Variants in WDHD1 observed in about 807,000 individuals in gnomAD.
The protein encoded by WDHD1 is WD repeat and HMG-box DNA binding protein 1, also known as WD repeat and HMG-box DNA-binding protein 1.
In WDHD1, 111 loss-of-function variants were observed where a neutral mutation model predicts 135.4. The ratio of observed to expected loss-of-function variants is 0.82; its 90% confidence interval spans 0.70 to 0.96. The LOEUF (loss-of-function observed/expected upper bound fraction) is 0.96, where lower values mean the gene tolerates loss of function less well. Among genes scored for constraint, WDHD1 ranks in the 40% least tolerant of loss-of-function variants. WDHD1 has a pLI of 0.00. For synonymous variants in WDHD1, 434 were observed against 439.0 expected, an observed-to-expected ratio of 0.99 and a Z score of 0.14; for missense variants, 1,351 against 1,336.3, an observed-to-expected ratio of 1.01 and a Z score of -0.17.
chr14:54,959,791 C>A (rs947352636), intron 21 of WDHD1, among the ~76,000 whole-genome samples: 2 of 151,808 alleles, frequency 1.3e-5, no homozygotes, highest in Non-Finnish European at 2.9e-5. Flanking sequence ...CGCACCCCCC[C>A]CACCAAACAA....
chr14:54,996,742 A>C (rs1231915612), intron 10 of WDHD1, among the ~76,000 whole-genome samples: 1 of 152,156 alleles, frequency 6.6e-6, no homozygotes, highest in African/African-American at 2.4e-5. Context: ...AAGTCTAATG[A>C]GAACACCATT....
intron 24 of WDHD1, among the ~76,000 whole-genome samples, chr14:54,947,457 C>T (rs1280493438): frequency 1.3e-5 from 2 of 152,180 alleles, no homozygotes; most frequent in Admixed American, 6.5e-5. Flanking sequence ...GTGAAAACCA[C>T]AGCCACTCCC....
At chr14:55,018,334 A>C (rs1411273495) in intron 2 of WDHD1, among the ~76,000 whole-genome samples, 1 of 152,196 alleles carries the variant, frequency 6.6e-6, no homozygotes, top group Non-Finnish European at 1.5e-5. Flanking sequence ...ACAAAAGCAA[A>C]TAAGAATTGA....
At chr14:54,971,169 T>C (rs140638639) in intron 16 of WDHD1, among the ~76,000 whole-genome samples, 2 of 152,200 alleles carry the variant, frequency 1.3e-5, no homozygotes. Context: ...TTCAGGATAT[T>C]GGCCTTGGTA....
intron 16 of WDHD1, among the ~76,000 whole-genome samples, chr14:54,968,134 T>A (rs546972498): frequency 1.3e-5 from 2 of 152,066 alleles, no homozygotes; most frequent in Admixed American, 6.6e-5. Context: ...GTCTCAAAAA[T>A]TTTTTTTAAA....
At chr14:54,982,445 C>T (rs531992766) in intron 15 of WDHD1, among the ~76,000 whole-genome samples, 12 of 152,112 alleles carry the variant, frequency 7.9e-5, no homozygotes, top group African/African-American at 2.7e-4. Flanking sequence ...ACTCTTCTTC[C>T]TCTCTCTTCT....
chr14:54,964,648 A>T (rs921224586), intron 18 of WDHD1, among the ~76,000 whole-genome samples: 2 of 152,060 alleles, frequency 1.3e-5, no homozygotes, highest in African/African-American at 4.8e-5. Flanking sequence ...CAAAAAAAAA[A>T]AAAGAAATAA....
Position 54,953,264 on chromosome 14 carries a change from A to T in WDHD1, c.3050+2297T>A, listed in dbSNP as rs181415766. 3.7e-3 allele frequency among the ~76,000 whole-genome samples: 570 copies of T among 152,342 alleles called. 1 individual carries two copies. The highest frequency in any genetic ancestry group is 0.013 in the African/African-American group (531 of 41,572). ...AATATCCAGAATCTACAAAGAACTCAAACAAATTTACAAGAAAAAAACAAA... is the reference window on the plus strand; with the variant it reads ...AATATCCAGAATCTACAAAGAACTCTAACAAATTTACAAGAAAAAAACAAA... On this transcript the variant is annotated intron_variant, in intron 24 of 25. Coordinates refer to ENST00000360586, the MANE Select transcript of WDHD1 (RefSeq NM_007086.4).
intron 5 of WDHD1, 66 bp downstream of exon 5, chr14:55,008,538 AGAGT>A: frequency 6.8e-7 from 1 of 1,479,644 alleles, no homozygotes; most frequent in Non-Finnish European, 9.2e-7. Flanking sequence ...AATTTTTTAG[AGAGT>A]TAGTAGGAAA....
At chr14:54,991,427 G>A (rs867511987) in intron 11 of WDHD1, 27 bp from the exon 12 acceptor site, 3 of 1,594,476 alleles carry the variant, frequency 1.9e-6, no homozygotes, top group Non-Finnish European at 2.6e-6. Flanking sequence ...CATAATTAAG[G>A]GAATCACGAA....
chr14:54,999,444 C>G (rs2041943838), intron 10 of WDHD1, among the ~76,000 whole-genome samples: 1 of 152,210 alleles, frequency 6.6e-6, no homozygotes, highest in Non-Finnish European at 1.5e-5. Context: ...AGCCCCACTT[C>G]TAGAAGCACC....
rs751762438 is a variant in WDHD1 at position 55,008,338 on chromosome 14, C to T, written c.482G>A (p.Arg161Lys). 5.0e-6 allele frequency: 8 copies of T among 1,613,592 alleles called. No homozygotes were observed. The highest frequency in any genetic ancestry group is 6.8e-6 in the Non-Finnish European group (8 of 1,179,736). ...LASASCDGSV[R>K]VWQISDQTCA... is the part of the protein sequence containing the mutation. ...TACCTGATCTGAAATTTGCCACACT[C>T]TGACAGATCCATCACAACTAGCTGA... Residue 161 changes from arginine to lysine, a missense_variant, in exon 6 of 26, where the codon AGA becomes AAA. Coordinates refer to ENST00000360586, the MANE Select transcript of WDHD1 (RefSeq NM_007086.4).
intron 7 of WDHD1, chr14:55,005,637 A>G: frequency 1.7e-6 from 1 of 585,630 alleles, no homozygotes. Flanking sequence ...CCTGCAAGGA[A>G]CTTAAGGACA....
At position 55,000,984 on chromosome 14, in the gene WDHD1, A is replaced by G; in HGVS notation, c.702T>C (p.Asn234=). ...LSDNFISQTL[N]IVTWSPCGQY... ...GCCCACAGGGAGACCAGGTTACTATATTGAGGGTCTGTAAAGAAAAACAGT... is the reference window on the plus strand; with the variant it reads ...GCCCACAGGGAGACCAGGTTACTATGTTGAGGGTCTGTAAAGAAAAACAGT... The change falls in exon 9 of 26, where the codon AAT becomes AAC. Residue 234 remains asparagine, a synonymous_variant. Coordinates refer to ENST00000360586, the MANE Select transcript of WDHD1 (RefSeq NM_007086.4). 1 of 1,553,452 alleles carries G rather than the reference A, an allele frequency of 6.4e-7. No homozygotes were observed. The highest frequency in any genetic ancestry group is 8.7e-7 in the Non-Finnish European group (1 of 1,150,376).
intron 16 of WDHD1, among the ~76,000 whole-genome samples, chr14:54,968,156 C>T (rs1361774406): frequency 6.6e-6 from 1 of 152,008 alleles, no homozygotes; most frequent in African/African-American, 2.4e-5. Context: ...TGAAATCATA[C>T]CAAGCATATA....
Position 55,008,624 on chromosome 14 carries a change from GGATCAAAGGAAAGAC to G in WDHD1, c.422_436del (p.Ser141_Pro146delinsThr). The G allele has an allele frequency of 1.2e-6, 2 of 1,607,860 alleles. No individual in the cohort carries two copies. The highest frequency in any genetic ancestry group is 1.7e-6 in the Non-Finnish European group (2 of 1,178,340). On this transcript the variant is annotated inframe_deletion, in exon 5 of 26. Coordinates refer to ENST00000360586, the MANE Select transcript of WDHD1 (RefSeq NM_007086.4). ...AATAATTACCAGAAAGATGTCCTTA[GGATCAAAGGAAAGAC>G]TTAAAACAGGGGCATCATGTCCTCG...
At chr14:55,021,592 G>T (rs1453928765) in intron 2 of WDHD1, among the ~76,000 whole-genome samples, 1 of 152,090 alleles carries the variant, frequency 6.6e-6, no homozygotes, top group Non-Finnish European at 1.5e-5. Flanking sequence ...CATCATGTTG[G>T]CCAGGCTGAT....
At position 54,944,325 on chromosome 14, in the gene WDHD1, T is replaced by C. The variant is rs1208251109; in HGVS notation, c.3189+7A>G. 6.2e-7 allele frequency: 1 copy of C among 1,600,930 alleles called. No individual in the cohort carries two copies. The highest frequency in any genetic ancestry group is 2.2e-5 in the East Asian group (1 of 44,614). On this transcript the variant is annotated splice_region_variant and intron_variant, in intron 25 of 25. Transcript: ENST00000360586. ...TAAGATCTCAATCTCGGCACAATTA[T>C]CCTTACCTTTCTTTCTTCAGTTGAC...
chr14:54,948,651 G>C (rs1335907196), intron 24 of WDHD1, among the ~76,000 whole-genome samples: 1 of 152,202 alleles, frequency 6.6e-6, no homozygotes, highest in Non-Finnish European at 1.5e-5. Flanking sequence ...GAAGAGAGTA[G>C]TGGTTCTCCC....
Sources: gnomAD v4.1 joint callset for allele counts (sites outside exome capture counted in the v4.1 genomes callset) on GRCh38, gnomAD v4.1.1 for gene constraint, MANE v1.5 for transcripts, NCBI Gene and HGNC (gene_info 2026-07-23, HGNC 2026-07-21) for gene names.